Variants in ATP11B observed in about 807,000 individuals in gnomAD.
The protein encoded by ATP11B is ATPase phospholipid transporting 11B (putative), also known as phospholipid-transporting ATPase IF.
A neutral mutation model predicts 157.8 loss-of-function variants in ATP11B; 81 were observed. The ratio of observed to expected loss-of-function variants is 0.51; its 90% confidence interval spans 0.43 to 0.62. The LOEUF (loss-of-function observed/expected upper bound fraction) is 0.62. ATP11B is among the 20% of genes least tolerant of loss of function. The pLI, the probability that ATP11B is intolerant of heterozygous loss-of-function variation, is 0.00. For missense variants in ATP11B, 1,165 were observed against 1,402.2 expected (o/e 0.83, Z 2.70); for synonymous variants, 451 against 469.4 (o/e 0.96, Z 0.51).
intron 2 of ATP11B, among the ~76,000 whole-genome samples, chr3:182,825,497 T>A (rs1411986691): frequency 6.6e-6 from 1 of 152,050 alleles, no homozygotes; most frequent in Non-Finnish European, 1.5e-5. Flanking sequence ...GGTGGGCGGA[T>A]CACTTGAGGC....
intron 15 of ATP11B, 57 bp downstream of exon 15, chr3:182,867,501 T>G: frequency 8.4e-7 from 1 of 1,193,526 alleles, no homozygotes; most frequent in East Asian, 2.4e-5. Flanking sequence ...TAGTATAGAA[T>G]AAGGATCAGT....
At chr3:182,862,139 G>A (rs1191016699) in intron 12 of ATP11B, among the ~76,000 whole-genome samples, 1 of 151,918 alleles carries the variant, frequency 6.6e-6, no homozygotes, top group Non-Finnish European at 1.5e-5. Flanking sequence ...AATTAGCTGG[G>A]CGCAGTGGTG....
rs146595034 is a variant in ATP11B, at chr3:182,800,168, A to G, written c.27+6382A>G. On this transcript the variant is annotated intron_variant, in intron 1 of 29. Coordinates refer to ENST00000323116, the MANE Select transcript of ATP11B (RefSeq NM_014616.3). ...AAAACATTCTTGATTGGATATTTAT[A>G]TGGGAAATACTATGAGACTTATTTT... 2.8e-4 allele frequency among the ~76,000 whole-genome samples: 42 copies of G among 152,246 alleles called. No individual in the cohort carries two copies. In the East Asian group the frequency reaches 8.1e-3, roughly 29 times the overall value.
intron 2 of ATP11B, among the ~76,000 whole-genome samples, chr3:182,825,177 C>G (rs1392632723): frequency 2.0e-5 from 3 of 152,162 alleles, no homozygotes; most frequent in Non-Finnish European, 4.4e-5. Flanking sequence ...GAAATGTTCT[C>G]CCTTATTTGC....
At chr3:182,809,480 C>T (rs1429258623) in intron 1 of ATP11B, among the ~76,000 whole-genome samples, 1 of 152,146 alleles carries the variant, frequency 6.6e-6, no homozygotes, top group Non-Finnish European at 1.5e-5. Flanking sequence ...AACTCCTGGC[C>T]TCAAGCGATC....
intron 1 of ATP11B, among the ~76,000 whole-genome samples, chr3:182,805,155 T>C (rs937064304): frequency 6.6e-6 from 1 of 152,244 alleles, no homozygotes. Context: ...TAGACTTTTA[T>C]TGGGTCATAT....
intron 29 of ATP11B, chr3:182,914,507 C>T: frequency 2.0e-6 from 2 of 985,410 alleles, no homozygotes; most frequent in Non-Finnish European, 2.4e-6. Context: ...TGCTCCCCTA[C>T]CTCTTCTTAT....
At chr3:182,881,290 C>G (rs935158986) in intron 21 of ATP11B, among the ~76,000 whole-genome samples, 4 of 152,076 alleles carry the variant, frequency 2.6e-5, no homozygotes, top group African/African-American at 9.7e-5. Flanking sequence ...AAAAATTAGC[C>G]AGGCGTGGTG....
chr3:182,822,388 A>G (rs983278627), intron 2 of ATP11B, among the ~76,000 whole-genome samples: 4 of 151,986 alleles, frequency 2.6e-5, no homozygotes, highest in African/African-American at 9.7e-5. Flanking sequence ...TGTCCTTGCA[A>G]TAGTTTGCTC....
intron 18 of ATP11B, among the ~76,000 whole-genome samples, chr3:182,873,185 G>A (rs1721790049): frequency 6.6e-6 from 1 of 152,062 alleles, no homozygotes; most frequent in Non-Finnish European, 1.5e-5. Flanking sequence ...TTTATTCTTT[G>A]TCTTTGTTCC....
intron 4 of ATP11B, chr3:182,830,056 C>A: frequency 1.7e-6 from 1 of 585,786 alleles, no homozygotes; most frequent in Non-Finnish European, 2.2e-6. Context: ...TAATTATAAT[C>A]ATCTTTGTAG....
chr3:182,869,264 C>A lies in ATP11B; in HGVS notation c.1799C>A (p.Ser600Ter). 1 of 1,610,936 alleles carries A rather than the reference C, an allele frequency of 6.2e-7. No individual in the cohort carries two copies. Among genetic ancestry groups the A allele is most frequent in the Non-Finnish European group, 8.5e-7 (1 of 1,178,658 alleles). ...TTATTTGCTAAAGGAGCTGAGTCAT[C>A]AATTCTCCCTAAATGTATAGGTGGA... ...KLLFAKGAES[S>*]ILPKCIGGEI... Residue 600 changes from serine (S) to a stop codon, truncating the protein, a stop_gained, in exon 17 of 30, where the codon TCA becomes TAA. Transcript: ENST00000323116. LOFTEE classifies it high-confidence loss of function.
chr3:182,834,449 G>A (rs1718386703), intron 4 of ATP11B, among the ~76,000 whole-genome samples: 1 of 152,044 alleles, frequency 6.6e-6, no homozygotes, highest in South Asian at 2.1e-4. Context: ...CCTACCCAGG[G>A]AGCAATTATT....
chr3:182,880,789 T>A (rs1346482167), intron 20 of ATP11B, 90 bp from the exon 21 acceptor site: 1 of 664,092 alleles, frequency 1.5e-6, no homozygotes, highest in African/African-American at 1.9e-5. Flanking sequence ...TTCATTAGTG[T>A]TCTTACTATA....
At chr3:182,875,384 A>C (rs537992086) in intron 19 of ATP11B, among the ~76,000 whole-genome samples, 5 of 152,164 alleles carry the variant, frequency 3.3e-5, no homozygotes, top group Non-Finnish European at 5.9e-5. Flanking sequence ...AACCTATTTA[A>C]GAGATATTTT....
intron 29 of ATP11B, chr3:182,915,895 A>G: frequency 3.1e-6 from 3 of 965,984 alleles, no homozygotes; most frequent in Non-Finnish European, 3.7e-6. Flanking sequence ...TAAAATGTTT[A>G]ACTTAGTAAT....
intron 12 of ATP11B, among the ~76,000 whole-genome samples, chr3:182,862,113 C>T (rs634039): frequency 0.72 from 108,738 of 151,672 alleles, 39,438 homozygotes; most frequent in Non-Finnish European, 0.78. Context: ...AATACAAATA[C>T]TAGCTGGAAT....
chr3:182,823,640 A>T (rs1717520670), intron 2 of ATP11B, among the ~76,000 whole-genome samples: 3 of 152,074 alleles, frequency 2.0e-5, no homozygotes, highest in Admixed American at 2.0e-4. Flanking sequence ...AGTTTTTTCC[A>T]GTTCTGTGAA....
At chr3:182,915,029 A>C in intron 29 of ATP11B, 1 of 985,426 alleles carries the variant, frequency 1.0e-6, no homozygotes. Context: ...CCCCAGGAAC[A>C]GGTTATAAAG....
Sources: gnomAD v4.1 joint callset for allele counts (sites outside exome capture counted in the v4.1 genomes callset) on GRCh38, gnomAD v4.1.1 for gene constraint, MANE v1.5 for transcripts, NCBI Gene and HGNC (gene_info 2026-07-23, HGNC 2026-07-21) for gene names.